Variants in TMBIM1 observed in about 807,000 individuals in gnomAD.
TMBIM1 encodes transmembrane BAX inhibitor motif containing 1.
A neutral mutation model predicts 45.1 loss-of-function variants in TMBIM1; 34 were observed. That is an observed-to-expected ratio of 0.75 (90% CI 0.57 to 1.00). The LOEUF (loss-of-function observed/expected upper bound fraction) is 1.00, where lower values mean the gene tolerates loss of function less well. Ranked by LOEUF, TMBIM1 falls within the 50% of genes least tolerant of loss-of-function variation. TMBIM1 has a pLI of 0.00. For synonymous variants in TMBIM1, 157 were observed against 153.5 expected (o/e 1.02, Z -0.17); for missense variants, 374 against 402.4 (o/e 0.93, Z 0.60).
chr2:218,276,635 C>T (rs550733504), intron 10 of TMBIM1, among the ~76,000 whole-genome samples: 10 of 130,962 alleles, frequency 7.6e-5, no homozygotes, highest in Non-Finnish European at 1.6e-4. Flanking sequence ...ATAATTGGAT[C>T]CAGAGACCCC....
In TMBIM1 at chr2:218,291,655, C is replaced by T. The variant is rs140247039; in HGVS notation, c.-41+811G>A. On this transcript the variant is annotated intron_variant, in intron 1 of 11. Coordinates refer to ENST00000258412, the MANE Select transcript of TMBIM1 (RefSeq NM_022152.6). ...TGGTGCCGACCCCACAAGGCCAGGG[C>T]CTGGCCTCCCAGCAGCCTCCCTCTG... Among the ~76,000 whole-genome samples, 771 of 152,302 alleles carry T rather than the reference C, an allele frequency of 5.1e-3. 6 individuals are homozygous for T. Among genetic ancestry groups the T allele is most frequent in the African/African-American group, 0.018 (747 of 41,564 alleles).
intron 1 of TMBIM1, 40 bp from the exon 2 acceptor site, chr2:218,282,221 G>A: frequency 8.2e-7 from 1 of 1,220,096 alleles, no homozygotes; most frequent in Non-Finnish European, 1.1e-6. Context: ...GAATGCCCAG[G>A]CCCAGCTCAC....
At position 218,275,622 on chromosome 2, in the gene TMBIM1, C is replaced by T; in HGVS notation, c.790-1G>A. 6.2e-7 allele frequency: 1 copy of T among 1,609,170 alleles called. No individual in the cohort carries two copies. The highest frequency in any genetic ancestry group is 1.3e-5 in the African/African-American group (1 of 74,816). ...CCAGCTGTGTGTCGTAAGCCAGGAA[C>T]TGCAAGGATAGGGAAGCCAGAAGTG... is the stretch of plus-strand genomic sequence containing the variant. On this transcript the variant is annotated splice_acceptor_variant, in intron 11 of 11. Transcript: ENST00000258412. LOFTEE classifies it high-confidence loss of function.
chr2:218,281,915 T>A, intron 2 of TMBIM1, 25 bp downstream of exon 2: 1 of 1,559,706 alleles, frequency 6.4e-7, no homozygotes, highest in Non-Finnish European at 8.7e-7. Context: ...CCCACCCACC[T>A]TCCATCTGCC....
intron 8 of TMBIM1, 67 bp downstream of exon 8, chr2:218,277,562 TGCCG>T (rs1559501173): frequency 6.2e-7 from 1 of 1,610,898 alleles, no homozygotes; most frequent in East Asian, 2.2e-5. Context: ...CGCAGCTGGC[TGCCG>T]GCCCAGGAAC....
At chr2:218,282,775 G>T (rs1306975988) in intron 1 of TMBIM1, among the ~76,000 whole-genome samples, 1 of 152,242 alleles carries the variant, frequency 6.6e-6, no homozygotes, top group African/African-American at 2.4e-5. Context: ...GGACCCGGGG[G>T]CCAGTGGCAG....
At chr2:218,287,485 G>A (rs1008131941) in intron 1 of TMBIM1, among the ~76,000 whole-genome samples, 1 of 152,172 alleles carries the variant, frequency 6.6e-6, no homozygotes, top group African/African-American at 2.4e-5. Flanking sequence ...CGAGGCAGGT[G>A]GATCACGAGG....
chr2:218,275,751 C>T, intron 11 of TMBIM1, 130 bp from the exon 12 acceptor site: 1 of 1,149,338 alleles, frequency 8.7e-7, no homozygotes, highest in Non-Finnish European at 1.2e-6. Context: ...CACAGCATAA[C>T]ATATGGGCTC....
intron 1 of TMBIM1, among the ~76,000 whole-genome samples, chr2:218,284,848 T>G (rs1692371771): frequency 6.6e-6 from 1 of 152,166 alleles, no homozygotes; most frequent in Non-Finnish European, 1.5e-5. Context: ...CTCAACACTT[T>G]GAGAGGCCGA....
chr2:218,276,137 A>C, intron 10 of TMBIM1, 58 bp from the exon 11 acceptor site: 1 of 1,577,058 alleles, frequency 6.3e-7, no homozygotes, highest in Non-Finnish European at 8.6e-7. Flanking sequence ...ACAGGCCCAC[A>C]GGCCCCAGCT....
At chr2:218,287,113 T>A (rs989892674) in intron 1 of TMBIM1, 2 of 152,148 alleles carry the variant, frequency 1.3e-5, no homozygotes, top group Non-Finnish European at 2.9e-5. Context: ...CAACTAAATA[T>A]CCTTCCATCA....
chr2:218,285,971 T>A (rs1348149694), intron 1 of TMBIM1: 2 of 154,772 alleles, frequency 1.3e-5, no homozygotes, highest in Non-Finnish European at 2.9e-5. Context: ...AGGGTCAGTG[T>A]TTACTTTCGT....
intron 1 of TMBIM1, chr2:218,284,284 G>A (rs1692319508): frequency 6.6e-6 from 1 of 152,262 alleles, no homozygotes; most frequent in Non-Finnish European, 1.5e-5. Context: ...ATAAGGTGGG[G>A]GCGACACGAC....
chr2:218,277,419 T>G lies in TMBIM1; in HGVS notation c.586A>C (p.Ile196Leu). ...YQTKAVIIAMIITAVVSISVT... is the reference protein window; with the variant it reads ...YQTKAVIIAMLITAVVSISVT... ...GAAATGGATACCACCGCAGTGATGA[T>G]CATTGCAATGATGACGGCTTTGGTT... The change falls in exon 9 of 12, where the codon ATC (isoleucine) becomes CTC (leucine). Residue 196 changes from isoleucine to leucine, a missense_variant. Transcript: ENST00000258412. The G allele has an allele frequency of 6.2e-7, 1 of 1,614,126 alleles. No homozygotes were observed. The highest frequency in any genetic ancestry group is 1.1e-5 in the South Asian group (1 of 91,084).
Position 218,277,070 on chromosome 2 carries a change from G to A in TMBIM1, c.669C>T (p.Phe223=). The change falls in exon 10 of 12, where the codon TTC becomes TTT. Residue 223 remains phenylalanine, a synonymous_variant. Coordinates refer to ENST00000258412, the MANE Select transcript of TMBIM1 (RefSeq NM_022152.6). ...CCAGGAGCACAATTCCCAGGACACA[G>A]AAGAGGCCTGTGCACGAGGTGAAGT... ...KVDFTSCTGL[F]CVLGIVLLVT... The A allele has an allele frequency of 6.2e-7, 1 of 1,614,202 alleles. No individual in the cohort carries two copies. The highest frequency in any genetic ancestry group is 8.5e-7 in the Non-Finnish European group (1 of 1,180,024).
At chr2:218,284,921 C>G (rs1173883960) in intron 1 of TMBIM1, among the ~76,000 whole-genome samples, 1 of 152,120 alleles carries the variant, frequency 6.6e-6, no homozygotes, top group African/African-American at 2.4e-5. Flanking sequence ...GAAACCCCGT[C>G]TCTACTAAAA....
Position 218,278,317 on chromosome 2 carries a change from T to G in TMBIM1, c.473+198A>C, listed in dbSNP as rs182790918. 1.3e-4 allele frequency: 85 copies of G among 632,424 alleles called. No homozygotes were observed. In the East Asian group the frequency reaches 2.2e-3, roughly 16 times the overall value. 39.2% of individuals were successfully genotyped at this position (632,424 alleles called of 1,614,324 possible). A position where few individuals can be genotyped will look rare whatever the true frequency, so the allele number is the denominator to read the frequency against. On this transcript the variant is annotated intron_variant, in intron 6 of 11. Coordinates refer to ENST00000258412, the MANE Select transcript of TMBIM1 (RefSeq NM_022152.6). ...TGCTACCTGTCTTGCAGGGTTACTA[T>G]AAGAGTGACAGCTAGTTAGCTCCTA...
chr2:218,286,241 T>C (rs1475539460), intron 1 of TMBIM1: 3 of 152,026 alleles, frequency 2.0e-5, no homozygotes, highest in Non-Finnish European at 2.9e-5. Flanking sequence ...GGTTTCACCA[T>C]GTTGGCCAGG....
chr2:218,288,523 G>A (rs1208821258), intron 1 of TMBIM1, among the ~76,000 whole-genome samples: 2 of 152,224 alleles, frequency 1.3e-5, no homozygotes, highest in African/African-American at 2.4e-5. Context: ...AGGAAGTACA[G>A]GTTGAATATC....
Sources: allele counts gnomAD v4.1 joint callset (sites outside exome capture counted in the v4.1 genomes callset), GRCh38; gene constraint gnomAD v4.1.1; transcripts MANE v1.5; gene names NCBI Gene and HGNC (gene_info 2026-07-23, HGNC 2026-07-21).